Variants in SEC14L1 observed in about 807,000 individuals in gnomAD.
SEC14L1 encodes SEC14 like lipid binding 1.
A neutral mutation model predicts 85.3 loss-of-function variants in SEC14L1; 48 were observed. The ratio of observed to expected loss-of-function variants is 0.56; its 90% CI spans 0.45 to 0.72. SEC14L1 has a LOEUF of 0.72. Among genes scored for constraint, SEC14L1 ranks in the 30% least tolerant of loss-of-function variants. The probability of loss-of-function intolerance (pLI) is 0.00; values close to 1 mark genes in which losing one functional copy is unlikely to be tolerated. For missense variants in SEC14L1, 682 were observed against 921.4 expected, an observed-to-expected ratio of 0.74 and a Z score of 3.36; for synonymous variants, 391 against 355.5, an observed-to-expected ratio of 1.10 and a Z score of -1.12.
At chr17:77,142,617 A>G (rs1489813477) in intron 1 of SEC14L1, 29 bp from the exon 2 acceptor site, 1 of 150,900 alleles carries the variant, frequency 6.6e-6, no homozygotes, top group Admixed American at 6.6e-5. Context: ...ACATCTTGGT[A>G]ATTTGTCTCT....
chr17:77,171,315 G>C (rs2032931493), intron 3 of SEC14L1, among the ~76,000 whole-genome samples: 1 of 152,124 alleles, frequency 6.6e-6, no homozygotes, highest in Admixed American at 6.6e-5. Context: ...TTTTTCTTCT[G>C]AGCTTTCTTT....
upstream of SEC14L1, among the ~76,000 whole-genome samples, chr17:77,139,322 G>A (rs1188516286): frequency 6.6e-6 from 1 of 150,666 alleles, no homozygotes; most frequent in Non-Finnish European, 1.5e-5. Context: ...CAGGCATCTG[G>A]CACCACACCC....
At chr17:77,115,916 C>CTTT (rs377514435) in intron 3 of SEC14L1, among the ~76,000 whole-genome samples, 2 of 144,576 alleles carry the variant, frequency 1.4e-5, no homozygotes, top group African/African-American at 5.1e-5. Flanking sequence ...TTTGACTCTC[C>CTTT]TTTTTTTTTT....
At chr17:77,151,122 C>T (rs1020444524) in intron 3 of SEC14L1, among the ~76,000 whole-genome samples, 1 of 151,926 alleles carries the variant, frequency 6.6e-6, no homozygotes, top group Non-Finnish European at 1.5e-5. Context: ...TTGTTTTTAC[C>T]CAAACGAATA....
chr17:77,195,757 G>A (rs971340417), intron 7 of SEC14L1, among the ~76,000 whole-genome samples: 1 of 152,100 alleles, frequency 6.6e-6, no homozygotes, highest in African/African-American at 2.4e-5. Flanking sequence ...TGAGTAGCTG[G>A]GATTACAGGC....
intron 8 of SEC14L1, among the ~76,000 whole-genome samples, chr17:77,197,257 T>A (rs1975861152): frequency 6.6e-6 from 1 of 152,208 alleles, no homozygotes; most frequent in African/African-American, 2.4e-5. Flanking sequence ...GACCAGCCTC[T>A]TGAGTTGGTA....
intron 3 of SEC14L1, among the ~76,000 whole-genome samples, chr17:77,104,228 T>G (rs1446866050): frequency 6.7e-6 from 1 of 150,238 alleles, no homozygotes; most frequent in Non-Finnish European, 1.5e-5. Context: ...CAAGCAATTC[T>G]CCTGCCTCAG....
intron 3 of SEC14L1, among the ~76,000 whole-genome samples, chr17:77,177,459 A>G (rs953310248): frequency 7.3e-5 from 11 of 151,468 alleles, no homozygotes; most frequent in African/African-American, 2.7e-4. Flanking sequence ...TAGTGTTAAC[A>G]AAAGTTTCCA....
chr17:77,185,129 C>A, intron 3 of SEC14L1: 3 of 755,810 alleles, frequency 4.0e-6, no homozygotes, highest in Non-Finnish European at 4.8e-6. Flanking sequence ...TGCTTCAAAA[C>A]ATGTTTTTTG....
chr17:77,213,684 G>T lies in SEC14L1; in HGVS notation c.2042+192G>T. The T allele has an allele frequency of 1.2e-6, 1 of 862,274 alleles. No individual in the cohort carries two copies. Among genetic ancestry groups the T allele is most frequent in the Non-Finnish European group, 1.9e-6 (1 of 531,416 alleles). 53.4% of individuals were successfully genotyped at this position (862,274 alleles called of 1,614,324 possible). ...TGCCTGTCTGCAGAGGGAGAGTGTC[G>T]GAGACAGAGCCGACTGACTGCCTTT... On this transcript the variant is annotated intron_variant, in intron 16 of 16. Transcript: ENST00000436233. This position sits in a 1 kb window ranked among gnomAD's most constrained non-coding sequence, Gnocchi z 7.1.
chr17:77,089,136 T>C (rs1265701379), intron 1 of SEC14L1: 1 of 295,208 alleles, frequency 3.4e-6, no homozygotes, highest in Non-Finnish European at 6.2e-6. Flanking sequence ...GCACATTATG[T>C]TACTTTTTCC....
chr17:77,207,103 G>A (rs1464227870), intron 13 of SEC14L1, among the ~76,000 whole-genome samples: 4 of 152,188 alleles, frequency 2.6e-5, no homozygotes. Context: ...AATCAAATAC[G>A]ATTGCAGCTT....
intron 3 of SEC14L1, chr17:77,144,676 G>T (rs763292361): frequency 6.6e-6 from 1 of 152,200 alleles, no homozygotes; most frequent in Non-Finnish European, 1.5e-5. Flanking sequence ...GTAGTGGCGC[G>T]ATCTCAGCTC....
intron 1 of SEC14L1, chr17:77,089,040 C>T (rs1598203089): frequency 5.4e-6 from 1 of 185,288 alleles, no homozygotes; most frequent in Non-Finnish European, 1.1e-5. Context: ...GCCCCGTAGC[C>T]AGCAGAAAAG....
chr17:77,201,607 C>T (rs1193354898), intron 9 of SEC14L1, among the ~76,000 whole-genome samples: 9 of 152,062 alleles, frequency 5.9e-5, no homozygotes, highest in East Asian at 1.9e-4. Context: ...TGCACCACCA[C>T]GCCCGGCTAC....
intron 1 of SEC14L1, chr17:77,089,147 C>T: frequency 8.8e-6 from 3 of 339,722 alleles, no homozygotes; most frequent in Non-Finnish European, 1.2e-5. Context: ...TACTTTTTCC[C>T]CCAAGGTTTC....
At chr17:77,100,443 T>C (rs900195173) in intron 3 of SEC14L1, among the ~76,000 whole-genome samples, 2 of 137,462 alleles carry the variant, frequency 1.5e-5, no homozygotes, top group Non-Finnish European at 1.6e-5. Flanking sequence ...TTTTTTTTTT[T>C]TTTTTTTTTT....
intron 9 of SEC14L1, among the ~76,000 whole-genome samples, chr17:77,202,842 C>A (rs984733603): frequency 6.6e-6 from 1 of 151,776 alleles, no homozygotes; most frequent in Admixed American, 6.6e-5. Context: ...ATTGCTTGAA[C>A]CTGCAGGCAG....
chr17:77,183,966 A>G (rs1975155991), intron 3 of SEC14L1, among the ~76,000 whole-genome samples: 1 of 152,036 alleles, frequency 6.6e-6, no homozygotes, highest in African/African-American at 2.4e-5. Context: ...TTGTATTTTT[A>G]GTAGAAACAT....
Sources: gnomAD v4.1 joint callset for allele counts (sites outside exome capture counted in the v4.1 genomes callset) on GRCh38, gnomAD v4.1.1 for gene constraint, Gnocchi (gnomAD v3.1) non-coding constraint, MANE v1.5 for transcripts, NCBI Gene and HGNC (gene_info 2026-07-23, HGNC 2026-07-21) for gene names.